The following STARD8 variants were observed in gnomAD, a reference collection of about 807,000 sequenced individuals.
The protein encoded by STARD8 is stAR-related lipid transfer protein 8.
A neutral mutation model predicts 69.4 loss-of-function variants in STARD8; 25 were observed. The observed-to-expected ratio is 0.36, with a 90% confidence interval of 0.26 to 0.50. The LOEUF (loss-of-function observed/expected upper bound fraction) is 0.50. STARD8 is among the 20% of genes least tolerant of loss of function. The pLI, the probability that STARD8 is intolerant of heterozygous loss-of-function variation, is 0.96. For missense variants in STARD8, 921 were observed against 932.5 expected (o/e 0.99, Z 0.16); for synonymous variants, 389 against 374.6 (o/e 1.04, Z -0.45).
At chrX:68,711,224 A>G (rs1176432548) in intron 2 of STARD8, among the ~76,000 whole-genome samples, 2 of 105,427 alleles carry the variant, frequency 1.9e-5, no homozygotes, top group South Asian at 4.1e-4. Flanking sequence ...GTATGCATGC[A>G]CACACACACA....
At chrX:68,659,934 C>T (rs767034549) in intron 1 of STARD8, among the ~76,000 whole-genome samples, 3 of 111,151 alleles carry the variant, frequency 2.7e-5, no homozygotes, top group Non-Finnish European at 5.7e-5. Flanking sequence ...GAATTTTTGC[C>T]AAGGGGAGAC....
intron 2 of STARD8, among the ~76,000 whole-genome samples, chrX:68,707,759 A>T (rs2080019725): frequency 9.0e-6 from 1 of 111,379 alleles, no homozygotes; most frequent in South Asian, 3.8e-4. Flanking sequence ...CCTGGTCCCC[A>T]TGCCTGATAC....
intron 2 of STARD8, chrX:68,693,880 G>T: frequency 1.4e-6 from 1 of 722,378 alleles, no homozygotes; most frequent in African/African-American, 2.3e-5. Flanking sequence ...GGCGCCTGGG[G>T]CTCCCTCTCC....
chrX:68,713,701 T>A (rs2080069934), intron 3 of STARD8, among the ~76,000 whole-genome samples: 1 of 112,066 alleles, frequency 8.9e-6, no homozygotes, highest in Non-Finnish European at 1.9e-5. Context: ...GTTTAGGATA[T>A]CCCAGGGCTC....
intron 2 of STARD8, among the ~76,000 whole-genome samples, chrX:68,694,661 C>T (rs2079905044): frequency 9.0e-6 from 1 of 111,259 alleles, no homozygotes; most frequent in African/African-American, 3.3e-5. Context: ...CTAAAGGGCC[C>T]GGTCTCTTTC....
intron 2 of STARD8, among the ~76,000 whole-genome samples, chrX:68,676,992 A>G (rs1398684936): frequency 9.1e-6 from 1 of 109,410 alleles, no homozygotes; most frequent in Non-Finnish European, 1.9e-5. Context: ...CCAAAAAAAA[A>G]AAAATTAGCC....
intron 1 of STARD8, among the ~76,000 whole-genome samples, chrX:68,652,838 C>T (rs1602533587): frequency 1.6e-5 from 1 of 60,801 alleles, no homozygotes; most frequent in Non-Finnish European, 3.1e-5. Context: ...ACACCCCACA[C>T]ACACCCCCAC....
intron 2 of STARD8, among the ~76,000 whole-genome samples, chrX:68,668,419 C>A (rs2079707459): frequency 9.3e-6 from 1 of 106,989 alleles, no homozygotes; most frequent in Non-Finnish European, 1.9e-5. Context: ...ATCTTCTGGG[C>A]TTAAGGGATC....
intron 2 of STARD8, among the ~76,000 whole-genome samples, chrX:68,699,466 G>A (rs1374543023): frequency 1.8e-5 from 2 of 112,335 alleles, no homozygotes; most frequent in African/African-American, 6.5e-5. Flanking sequence ...CCTCCCTGAG[G>A]CTTCTAACCC....
chrX:68,715,694 G>A (rs1037147320), intron 4 of STARD8, among the ~76,000 whole-genome samples: 4 of 111,380 alleles, frequency 3.6e-5, no homozygotes, highest in Non-Finnish European at 7.5e-5. Flanking sequence ...CTTCTCCTTG[G>A]ATCGATCACA....
chrX:68,710,088 G>A (rs969857330), intron 2 of STARD8, among the ~76,000 whole-genome samples: 1 of 111,885 alleles, frequency 8.9e-6, no homozygotes, highest in Non-Finnish European at 1.9e-5. Flanking sequence ...TGGCATGAGG[G>A]CAGGTGGCAT....
intron 2 of STARD8, among the ~76,000 whole-genome samples, chrX:68,684,200 T>G (rs2079816992): frequency 8.9e-6 from 1 of 112,626 alleles, no homozygotes; most frequent in South Asian, 3.7e-4. Context: ...TTCAGTAAGG[T>G]GCCCCCTCTC....
chrX:68,714,393 ACT>A (rs2080075662), intron 3 of STARD8, among the ~76,000 whole-genome samples: 1 of 110,689 alleles, frequency 9.0e-6, no homozygotes, highest in African/African-American at 3.3e-5. Flanking sequence ...CCTGCCTGGA[ACT>A]CTCTCTGCAG....
At chrX:68,657,584 A>C (rs1237639034) in intron 1 of STARD8, among the ~76,000 whole-genome samples, 2 of 112,199 alleles carry the variant, frequency 1.8e-5, no homozygotes, top group Admixed American at 9.5e-5. Context: ...TAACAGTTTT[A>C]GTTAATCTAG....
chrX:68,657,823 C>CG (rs2079620120), intron 1 of STARD8, among the ~76,000 whole-genome samples: 1 of 110,211 alleles, frequency 9.1e-6, no homozygotes, highest in African/African-American at 3.3e-5. Flanking sequence ...TATTTGTTCT[C>CG]GGGGGTGGAA....
chrX:68,718,522 C>T lies in STARD8; in HGVS notation c.1608C>T (p.Asn536=), dbSNP rs1458697577. 2.1e-5 allele frequency: 25 copies of T among 1,211,040 alleles called. No individual in the cohort carries two copies. Among genetic ancestry groups the T allele is most frequent in the Non-Finnish European group, 2.8e-5 (25 of 895,389 alleles). The change falls in exon 6 of 15, where the codon AAC becomes AAT. Residue 536 remains asparagine (N), a synonymous_variant. Coordinates refer to ENST00000374599, the MANE Select transcript of STARD8 (RefSeq NM_001142503.3). Reference sequence around the variant, plus strand: ...CCAGCGAACTTGACAGTAGTGGGAACTCCATGAATGAGGCTGAGGCTGCGG... The same window carrying T: ...CCAGCGAACTTGACAGTAGTGGGAATTCCATGAATGAGGCTGAGGCTGCGG... ...ASSSELDSSG[N]SMNEAEAAGP... is the part of the protein sequence containing the mutation.
intron 2 of STARD8, among the ~76,000 whole-genome samples, chrX:68,681,870 G>A (rs1371876551): frequency 8.9e-6 from 1 of 111,815 alleles, no homozygotes; most frequent in East Asian, 2.8e-4. Context: ...TGGTCATTGA[G>A]TCATTTTTAT....
rs147293177 is a variant in STARD8, at chrX:68,722,579, C to A, written c.2732C>A (p.Ala911Asp). The change falls in exon 12 of 15, where the codon GCT becomes GAT. Residue 911 changes from alanine (A) to aspartate (D), a missense_variant. Ala to Asp is a moderately radical substitution (Grantham distance 126). Transcript: ENST00000374599. ...AATATCCAGGACCTGCTGCGTGATG[C>A]TGCTGAGCGCTTCAAGGGCTGGATG... is the stretch of plus-strand genomic sequence containing the variant. Reference protein sequence around the residue: ...EENIQDLLRDAAERFKGWMSV... With the variant: ...EENIQDLLRDDAERFKGWMSV... The A allele has an allele frequency of 4.1e-5, 50 of 1,210,772 alleles. No homozygotes were observed. Among genetic ancestry groups the A allele is most frequent in the Non-Finnish European group, 5.5e-5 (49 of 895,410 alleles).
chrX:68,724,495 G>C lies in STARD8; in HGVS notation c.*73G>C, dbSNP rs920997726. ...AAGGGAGCGAGGGGGAATAAGAGCA[G>C]GGCAGCCCCCTGGGTGCCGCTGTCA... On this transcript the variant is annotated 3_prime_UTR_variant, in exon 15 of 15. Transcript: ENST00000374599. 1.2e-5 allele frequency: 11 copies of C among 944,638 alleles called. No individual in the cohort carries two copies. The highest frequency in any genetic ancestry group is 1.6e-5 in the Non-Finnish European group (11 of 677,370). 77.8% of individuals were successfully genotyped at this position (944,638 alleles called of 1,213,427 possible).
Sources: allele counts gnomAD v4.1 joint callset (sites outside exome capture counted in the v4.1 genomes callset), GRCh38; gene constraint gnomAD v4.1.1; transcripts MANE v1.5; gene names NCBI Gene and HGNC (gene_info 2026-07-23, HGNC 2026-07-21).